ATAD3A: variants seen among roughly 807,000 people sequenced by gnomAD.
ATAD3A encodes ATPase family AAA domain-containing protein 3A.
ATAD3A carries 46 observed loss-of-function variants against 73.8 expected under a neutral mutation model. The ratio of observed to expected loss-of-function variants is 0.62; its 90% CI spans 0.49 to 0.80. ATAD3A has a LOEUF of 0.80. Among genes scored for constraint, ATAD3A ranks in the 30% least tolerant of loss-of-function variants. The pLI is 0.00. For missense variants in ATAD3A, 705 were observed against 838.0 expected (o/e 0.84, Z 1.96); for synonymous variants, 319 against 350.0 (o/e 0.91, Z 0.99).
intron 1 of ATAD3A, among the ~76,000 whole-genome samples, chr1:1,513,740 G>A (rs1043047161): frequency 1.7e-4 from 26 of 151,996 alleles, no homozygotes; most frequent in African/African-American, 6.3e-4. Flanking sequence ...CTGCCTGGTA[G>A]CCCCTCTGCA....
chr1:1,525,679 G>T (rs982259744), intron 12 of ATAD3A, among the ~76,000 whole-genome samples: 1 of 152,042 alleles, frequency 6.6e-6, no homozygotes, highest in African/African-American at 2.4e-5. Flanking sequence ...CTCCCAAAGT[G>T]CTGGGATTAC....
Position 1,521,247 on chromosome 1 carries a change from C to T in ATAD3A, c.750+630C>T, listed in dbSNP as rs1050613491. Among the ~76,000 whole-genome samples, 37 of 122,964 alleles carry T rather than the reference C, an allele frequency of 3.0e-4. 1 individual carries two copies. The highest frequency in any genetic ancestry group is 3.0e-3 in the Admixed American group (27 of 9,122). The allele number at this position is 122,964 out of a possible 152,430, so 80.7% of individuals were successfully genotyped here. On this transcript the variant is annotated intron_variant, in intron 7 of 15. Coordinates refer to ENST00000378756, the MANE Select transcript of ATAD3A (RefSeq NM_001170535.3). ...CCGGGAGGCGGAGCTTGCAGTGAGT[C>T]GAGATCACGCTACTGCACTCCAGCC... is the stretch of plus-strand genomic sequence containing the variant.
At chr1:1,529,518 C>T (rs1012916247) in intron 15 of ATAD3A, among the ~76,000 whole-genome samples, 187 bp downstream of exon 15, 1 of 152,214 alleles carries the variant, frequency 6.6e-6, no homozygotes, top group African/African-American at 2.4e-5. Flanking sequence ...CGCACCTGCT[C>T]GTGCCCTCAG....
chr1:1,527,169 A>G (rs1425921903), intron 13 of ATAD3A: 1 of 1,301,978 alleles, frequency 7.7e-7, no homozygotes. Context: ...AGCCCCAGTC[A>G]CGTGTCACAC....
At chr1:1,525,608 G>GTTTCACTGTGTTA (rs1484045834) in intron 12 of ATAD3A, among the ~76,000 whole-genome samples, 33 of 152,096 alleles carry the variant, frequency 2.2e-4, no homozygotes, top group African/African-American at 8.0e-4. Context: ...CAGAGACGGG[G>GTTTCACTGTGTTA]TTTCACCGTG....
chr1:1,530,033 T>C (rs145261054), intron 15 of ATAD3A, among the ~76,000 whole-genome samples: 1 of 152,358 alleles, frequency 6.6e-6, no homozygotes, highest in East Asian at 1.9e-4. Context: ...AGCAGTGCTT[T>C]TGAATGAACG....
Position 1,523,759 on chromosome 1 carries a change from C to T in ATAD3A, c.964-80C>T. 1 of 1,604,568 alleles carries T rather than the reference C, an allele frequency of 6.2e-7. No individual in the cohort carries two copies. ...GCTTCCCGAGGAGCCGAGTCTGCAC[C>T]CAGGCATTCCCGCAGCCCCTTCCCC... On this transcript the variant is annotated intron_variant, in intron 9 of 15. Transcript: ENST00000378756. This position sits in a 1 kb window ranked among gnomAD's most constrained non-coding sequence, Gnocchi z 5.1.
At chr1:1,525,586 TTG>T (rs1641785009) in intron 12 of ATAD3A, among the ~76,000 whole-genome samples, 1 of 152,032 alleles carries the variant, frequency 6.6e-6, no homozygotes, top group Non-Finnish European at 1.5e-5. Context: ...GGCTAATTTT[TTG>T]TGTTTTTAGC....
At chr1:1,532,083 A>C (rs937615670) in intron 15 of ATAD3A, among the ~76,000 whole-genome samples, 1 of 152,178 alleles carries the variant, frequency 6.6e-6, no homozygotes, top group African/African-American at 2.4e-5. Flanking sequence ...AACATTTTTT[A>C]TGTGGAACAT....
chr1:1,527,963 T>A, intron 14 of ATAD3A, 101 bp downstream of exon 14: 1 of 1,289,334 alleles, frequency 7.8e-7, no homozygotes, highest in Non-Finnish European at 1.0e-6. Flanking sequence ...CATTCCTTTT[T>A]TTTTTTTTTT....
Position 1,518,241 on chromosome 1 carries a change from A to G in ATAD3A, c.444+466A>G, listed in dbSNP as rs530788557. ...AGACAGGTACGCACATACACCCCGC[A>G]CACACACACACAGATACGCACACAC... is the stretch of plus-strand genomic sequence containing the variant. On this transcript the variant is annotated intron_variant, in intron 4 of 15. Coordinates refer to ENST00000378756, the MANE Select transcript of ATAD3A (RefSeq NM_001170535.3). Among the ~76,000 whole-genome samples, 8 of 149,410 alleles carry G rather than the reference A, an allele frequency of 5.4e-5. No individual in the cohort carries two copies. The East Asian group carries it at 1.0e-3, about 19-fold the overall frequency.
At chr1:1,519,644 G>A (rs1178872738) in intron 5 of ATAD3A, among the ~76,000 whole-genome samples, 2 of 117,278 alleles carry the variant, frequency 1.7e-5, no homozygotes, top group Admixed American at 9.1e-5. Flanking sequence ...CACCGTGGGT[G>A]GGCTTGTGGC....
chr1:1,513,413 C>G (rs891784545), intron 1 of ATAD3A, among the ~76,000 whole-genome samples: 15 of 151,550 alleles, frequency 9.9e-5, no homozygotes, highest in East Asian at 1.9e-4. Context: ...CTCAGGCCGC[C>G]TCCCCATAGT....
Position 1,512,355 on chromosome 1 carries a change from C to T in ATAD3A, c.87C>T (p.Ala29=), listed in dbSNP as rs561570704. The change falls in exon 1 of 16, where the codon GCC becomes GCT. Residue 29 remains alanine (A), a synonymous_variant. Transcript: ENST00000378756. ...PPPLPPAQPG[A]EGGGDRGLGD... is the part of the protein sequence containing the mutation. The stretch of plus-strand genomic sequence containing the variant: ...CTTTGCCGCCCGCGCAGCCCGGGGC[C>T]GAGGGCGGCGGGGACCGCGGGTTGG... The T allele has an allele frequency of 2.3e-5, 29 of 1,242,866 alleles. No homozygotes were observed. The highest frequency in any genetic ancestry group is 6.3e-4 in the Middle Eastern group (2 of 3,198). The allele number at this position is 1,242,866 out of a possible 1,614,324, so 77.0% of individuals were successfully genotyped here.
chr1:1,520,214 C>T lies in ATAD3A; in HGVS notation c.588C>T (p.Arg196=), dbSNP rs781604634. ...GAGTGGAGGCCGAGGCCCGGGCGCG[C>T]GCCAAGGCCGAGCGGGAGAATGCAG... The part of the protein sequence containing the change: ...MLRVEAEARA[R]AKAERENADI... Residue 196 remains arginine (R), a synonymous_variant, in exon 6 of 16, where the codon CGC becomes CGT. Coordinates refer to ENST00000378756, the MANE Select transcript of ATAD3A (RefSeq NM_001170535.3). This position sits in a 1 kb window ranked among gnomAD's most constrained non-coding sequence, Gnocchi z 4.0. The T allele has an allele frequency of 1.7e-5, 28 of 1,612,022 alleles. No homozygotes were observed. Among genetic ancestry groups the T allele is most frequent in the Middle Eastern group, 1.8e-4 (1 of 5,582 alleles).
chr1:1,524,938 T>G (rs3737713), intron 11 of ATAD3A, among the ~76,000 whole-genome samples: 8,983 of 152,148 alleles, frequency 0.059, 718 homozygotes, highest in African/African-American at 0.18. Flanking sequence ...CCTGTCCCTG[T>G]CGTGGACTCT....
At chr1:1,524,979 T>TG (rs1055584683) in intron 11 of ATAD3A, among the ~76,000 whole-genome samples, 1 of 151,980 alleles carries the variant, frequency 6.6e-6, no homozygotes, top group Non-Finnish European at 1.5e-5. Context: ...CTGGGCCGGG[T>TG]GGGGGTGAAG....
intron 13 of ATAD3A, among the ~76,000 whole-genome samples, 171 bp from the exon 14 acceptor site, chr1:1,527,524 G>A (rs1641889617): frequency 1.3e-5 from 2 of 152,256 alleles, no homozygotes; most frequent in Non-Finnish European, 2.9e-5. Flanking sequence ...CAGGAAGCCA[G>A]GCCGGGGGAC....
At chr1:1,531,759 C>T (rs1642042705) in intron 15 of ATAD3A, among the ~76,000 whole-genome samples, 2 of 151,680 alleles carry the variant, frequency 1.3e-5, no homozygotes, top group African/African-American at 4.8e-5. Context: ...GCCTGGGCGA[C>T]AGAGCAAGAC....
Sources: gnomAD v4.1 joint callset for allele counts (sites outside exome capture counted in the v4.1 genomes callset) on GRCh38, gnomAD v4.1.1 for gene constraint, Gnocchi (gnomAD v3.1) non-coding constraint, MANE v1.5 for transcripts, NCBI Gene and HGNC (gene_info 2026-07-23, HGNC 2026-07-21) for gene names.